Variants in ERBB4 observed in about 807,000 individuals in gnomAD.
The protein encoded by ERBB4 is receptor tyrosine-protein kinase erbB-4.
ERBB4 carries 42 observed loss-of-function variants against 158.0 expected under a neutral mutation model. The ratio of observed to expected loss-of-function variants is 0.27; its 90% CI spans 0.21 to 0.34. The LOEUF (loss-of-function observed/expected upper bound fraction) is 0.34, where lower values mean the gene tolerates loss of function less well. Ranked by LOEUF, ERBB4 falls within the 10% of genes least tolerant of loss-of-function variation. ERBB4 has a pLI of 1.00. For missense variants in ERBB4, 1,333 were observed against 1,624.1 expected (o/e 0.82, Z 3.08); for synonymous variants, 583 against 558.7 (o/e 1.04, Z -0.61).
intron 1 of ERBB4, among the ~76,000 whole-genome samples, chr2:212,313,454 A>T (rs1255618550): frequency 6.6e-6 from 1 of 150,670 alleles, no homozygotes; most frequent in Non-Finnish European, 1.5e-5. Context: ...TAATTCTGGT[A>T]TATATATATA....
At chr2:211,502,109 C>G (rs61516157) in intron 20 of ERBB4, among the ~76,000 whole-genome samples, 16,347 of 152,060 alleles carry the variant, frequency 0.11, 1,120 homozygotes, top group African/African-American at 0.2. Flanking sequence ...TTACAGCAAG[C>G]AGATTGAATA....
At chr2:211,636,620 G>A (rs2070372559) in intron 16 of ERBB4, among the ~76,000 whole-genome samples, 2 of 151,858 alleles carry the variant, frequency 1.3e-5, no homozygotes, top group African/African-American at 4.8e-5. Context: ...TCTCCAAAGT[G>A]CCTCTATGTG....
chr2:212,492,883 G>A (rs1178336060), intron 1 of ERBB4, among the ~76,000 whole-genome samples: 1 of 151,488 alleles, frequency 6.6e-6, no homozygotes, highest in South Asian at 2.1e-4. Flanking sequence ...TACAGTAAAA[G>A]TAGAGGTAAT....
At chr2:212,093,152 T>C (rs1003959627) in intron 2 of ERBB4, among the ~76,000 whole-genome samples, 7 of 152,160 alleles carry the variant, frequency 4.6e-5, no homozygotes, top group African/African-American at 1.7e-4. Flanking sequence ...AACTTCAGAA[T>C]AGACCCTATC....
chr2:211,674,359 T>C (rs1398298195), intron 13 of ERBB4, among the ~76,000 whole-genome samples: 2 of 152,154 alleles, frequency 1.3e-5, no homozygotes, highest in African/African-American at 4.8e-5. Context: ...ATTTGAATAC[T>C]GTAAAGCCTT....
chr2:211,635,063 G>T (rs1220141624), intron 16 of ERBB4, among the ~76,000 whole-genome samples: 1 of 152,184 alleles, frequency 6.6e-6, no homozygotes, highest in Non-Finnish European at 1.5e-5. Flanking sequence ...AAGGGATCTA[G>T]AATACTCTGA....
At chr2:212,265,985 T>C (rs1405309409) in intron 1 of ERBB4, among the ~76,000 whole-genome samples, 1 of 152,018 alleles carries the variant, frequency 6.6e-6, no homozygotes, top group Non-Finnish European at 1.5e-5. Context: ...CCCACAGACC[T>C]GATGGTGCTC....
At position 211,750,790 on chromosome 2, in the gene ERBB4, C is replaced by T. The variant is rs2075109296; in HGVS notation, c.557-86G>A. On this transcript the variant is annotated intron_variant, in intron 4 of 27. Transcript: ENST00000342788. ...GAGTAACTCCTCAAAGGAAATACTC[C>T]TGCTCCTTTATGAGGATTTTTATGT... 2.1e-5 allele frequency: 25 copies of T among 1,178,612 alleles called. 1 individual carries two copies. Among genetic ancestry groups the T allele is most frequent in the Middle Eastern group, 3.8e-4 (2 of 5,222 alleles). 73.0% of individuals were successfully genotyped at this position (1,178,612 alleles called of 1,614,324 possible). A position where few individuals can be genotyped will look rare whatever the true frequency, so the allele number is the denominator to read the frequency against.
intron 1 of ERBB4, among the ~76,000 whole-genome samples, chr2:212,286,602 T>TTTTTTG (rs1559928604): frequency 1.6e-5 from 2 of 127,634 alleles, no homozygotes; most frequent in African/African-American, 3.1e-5. Flanking sequence ...GACTTTTTTT[T>TTTTTTG]TTTTTTTTTT....
intron 20 of ERBB4, among the ~76,000 whole-genome samples, chr2:211,515,896 T>TTATATATATATA (rs1206265176): frequency 2.4e-4 from 21 of 88,936 alleles, no homozygotes; most frequent in Middle Eastern, 5.8e-3. Context: ...AAAACATATA[T>TTATATATATATA]TATATATATA....
chr2:211,508,023 T>C (rs1056452824), intron 20 of ERBB4, among the ~76,000 whole-genome samples: 2 of 152,020 alleles, frequency 1.3e-5, no homozygotes, highest in Admixed American at 6.5e-5. Flanking sequence ...CCCTAAATCA[T>C]AAAAACCCTA....
chr2:211,817,121 C>A (rs761793036), intron 3 of ERBB4, among the ~76,000 whole-genome samples: 1 of 152,160 alleles, frequency 6.6e-6, no homozygotes, highest in Non-Finnish European at 1.5e-5. Context: ...TTTGAAAAGT[C>A]CATCCTCAAA....
intron 15 of ERBB4, among the ~76,000 whole-genome samples, chr2:211,660,244 T>G (rs973578069): frequency 3.3e-5 from 5 of 152,216 alleles, no homozygotes; most frequent in African/African-American, 1.2e-4. Context: ...GTAAATCTCC[T>G]AGCTCTGTGG....
In ERBB4 at chr2:211,467,146, A is replaced by G. The variant is rs148557737; in HGVS notation, c.2488-36046T>C. ...TGTGTTATGCAGTGGGTTGAATAGG[A>G]GTTTGTAGGTTTCATTGATAGTAAC... is the stretch of plus-strand genomic sequence containing the variant. On this transcript the variant is annotated intron_variant, in intron 20 of 27. Transcript: ENST00000342788. Among the ~76,000 whole-genome samples the G allele has an allele frequency of 1.5e-3, 231 of 152,206 alleles. 2 individuals are homozygous for G. Among genetic ancestry groups the G allele is most frequent in the African/African-American group, 5.4e-3 (224 of 41,534 alleles).
chr2:212,151,821 G>A (rs958268981), intron 1 of ERBB4, among the ~76,000 whole-genome samples: 6 of 152,210 alleles, frequency 3.9e-5, no homozygotes, highest in African/African-American at 1.2e-4. Flanking sequence ...CCTGGGAGAC[G>A]GAGGTTGCAG....
At chr2:212,110,847 C>G (rs1283531098) in intron 2 of ERBB4, among the ~76,000 whole-genome samples, 1 of 139,204 alleles carries the variant, frequency 7.2e-6, no homozygotes, top group African/African-American at 2.6e-5. Flanking sequence ...AGCTTAACTT[C>G]TTGTTTGTTG....
intron 1 of ERBB4, among the ~76,000 whole-genome samples, chr2:212,286,811 A>T (rs1312710813): frequency 1.0e-5 from 1 of 99,540 alleles, no homozygotes; most frequent in East Asian, 3.1e-4. Context: ...GATTTCCGCC[A>T]TGTTGCCCAC....
intron 1 of ERBB4, among the ~76,000 whole-genome samples, chr2:212,179,173 T>C (rs2081773752): frequency 6.6e-6 from 1 of 151,492 alleles, no homozygotes; most frequent in African/African-American, 2.4e-5. Context: ...AAAGACAAAA[T>C]ATCAGGGTTG....
chr2:212,341,554 T>C (rs965642142), intron 1 of ERBB4, among the ~76,000 whole-genome samples: 2 of 152,156 alleles, frequency 1.3e-5, no homozygotes, highest in African/African-American at 2.4e-5. Flanking sequence ...TAGTTGTTGA[T>C]TGTTCAATAA....
Sources: allele counts gnomAD v4.1 joint callset (sites outside exome capture counted in the v4.1 genomes callset), GRCh38; gene constraint gnomAD v4.1.1; transcripts MANE v1.5; gene names NCBI Gene and HGNC (gene_info 2026-07-23, HGNC 2026-07-21).